The following CACNA1H variants were observed in gnomAD, a reference collection of about 807,000 sequenced individuals.
CACNA1H encodes voltage-dependent T-type calcium channel subunit alpha-1H.
A neutral mutation model predicts 192.5 loss-of-function variants in CACNA1H; 149 were observed. The ratio of observed to expected loss-of-function variants is 0.77; its 90% CI spans 0.68 to 0.89. The LOEUF is 0.89. CACNA1H is among the 40% of genes least tolerant of loss of function. The pLI is 0.00. For synonymous variants in CACNA1H, 2,202 were observed against 1,475.2 expected (o/e 1.49, Z -11.29); for missense variants, 4,257 against 3,423.5 (o/e 1.24, Z -6.08).
chr16:1,193,191 C>T (rs1362115376), intron 2 of CACNA1H, among the ~76,000 whole-genome samples: 3 of 152,318 alleles, frequency 2.0e-5, no homozygotes, highest in South Asian at 2.1e-4. Flanking sequence ...AAAACCCCTC[C>T]CCTCGGGAAA....
Position 1,212,539 on chromosome 16 carries a change from T to A in CACNA1H, c.4777+11T>A, listed in dbSNP as rs763690761. On this transcript the variant is annotated intron_variant, in intron 26 of 34. Coordinates refer to ENST00000348261, the MANE Select transcript of CACNA1H (RefSeq NM_021098.3). Reference sequence around the variant, plus strand: ...CTTTCCCCAGCCCAGGTACCGGCCCTGTCCCGCATGCCTCAGGCCCCGCTT... The same window carrying A: ...CTTTCCCCAGCCCAGGTACCGGCCCAGTCCCGCATGCCTCAGGCCCCGCTT... 1.2e-6 allele frequency: 2 copies of A among 1,610,042 alleles called. No individual in the cohort carries two copies. The highest frequency in any genetic ancestry group is 2.2e-5 in the South Asian group (2 of 90,494).
At chr16:1,213,456 G>A (rs141178725) in intron 26 of CACNA1H, among the ~76,000 whole-genome samples, 25 of 152,216 alleles carry the variant, frequency 1.6e-4, no homozygotes, top group African/African-American at 6.0e-4. Context: ...CACTCCTGGG[G>A]GCTGCCTGGC....
intron 12 of CACNA1H, chr16:1,206,762 G>A: frequency 1.9e-6 from 1 of 516,330 alleles, no homozygotes; most frequent in South Asian, 2.6e-5. Flanking sequence ...CCCTCTGTCT[G>A]TCCCGCCTCT....
intron 26 of CACNA1H, among the ~76,000 whole-genome samples, chr16:1,213,216 G>A (rs1361882129): frequency 6.6e-6 from 1 of 152,242 alleles, no homozygotes; most frequent in East Asian, 1.9e-4. Context: ...GGTGGCCAGA[G>A]GAGGGCAGGT....
intron 33 of CACNA1H, 32 bp from the exon 34 acceptor site, chr16:1,218,938 G>A: frequency 6.5e-7 from 1 of 1,547,858 alleles, no homozygotes; most frequent in Non-Finnish European, 8.7e-7. Flanking sequence ...GGCAGGGGCA[G>A]AGCTGCCAGC....
chr16:1,201,604 C>T (rs1967920812), intron 8 of CACNA1H, 59 bp from the exon 9 acceptor site: 3 of 1,497,094 alleles, frequency 2.0e-6, no homozygotes, highest in South Asian at 1.3e-5. Context: ...CAGTAGGGCT[C>T]AGTGGCGAAT....
Position 1,215,555 on chromosome 16 carries a change from C to T in CACNA1H, c.5206C>T (p.Arg1736Cys), listed in dbSNP as rs750143885. The change falls in exon 30 of 35, where the codon CGC (arginine) becomes TGC (cysteine). Residue 1736 changes from arginine to cysteine, a missense_variant. Coordinates refer to ENST00000348261, the MANE Select transcript of CACNA1H (RefSeq NM_021098.3). Reference protein sequence around the residue: ...LKLLKMATGMRALLDTVVQAL... With the variant: ...LKLLKMATGMCALLDTVVQAL... ...GCTGCTGAAGATGGCTACGGGCATGCGCGCCCTGCTGGACACTGTGGTGCA... is the reference window on the plus strand; with the variant it reads ...GCTGCTGAAGATGGCTACGGGCATGTGCGCCCTGCTGGACACTGTGGTGCA... 2 of 1,611,646 alleles carry T rather than the reference C, an allele frequency of 1.2e-6. No homozygotes were observed. Among genetic ancestry groups the T allele is most frequent in the African/African-American group, 1.3e-5 (1 of 75,036 alleles).
intron 2 of CACNA1H, among the ~76,000 whole-genome samples, chr16:1,172,194 G>A (rs989005822): frequency 2.0e-5 from 3 of 152,288 alleles, no homozygotes; most frequent in South Asian, 2.1e-4. Flanking sequence ...GCCTCGATCC[G>A]GCTGGCCCAG....
At chr16:1,163,386 G>T (rs972789431) in intron 2 of CACNA1H, among the ~76,000 whole-genome samples, 1 of 152,236 alleles carries the variant, frequency 6.6e-6, no homozygotes, top group Non-Finnish European at 1.5e-5. Flanking sequence ...GCTCCCGGGA[G>T]GGGGTGCTGG....
intron 2 of CACNA1H, among the ~76,000 whole-genome samples, chr16:1,170,430 G>T (rs1330893209): frequency 6.6e-6 from 1 of 152,162 alleles, no homozygotes; most frequent in Non-Finnish European, 1.5e-5. Context: ...TCCCGTAAAA[G>T]AGACTGGGAG....
chr16:1,167,469 AATT>A lies in CACNA1H; in HGVS notation c.299+13438_299+13440del, dbSNP rs1963913830. 6.6e-6 allele frequency among the ~76,000 whole-genome samples: 1 copy of A among 152,152 alleles called. No individual in the cohort carries two copies. The highest frequency in any genetic ancestry group is 6.5e-5 in the Admixed American group (1 of 15,286). On this transcript the variant is annotated intron_variant, in intron 2 of 34. Transcript: ENST00000348261. This position sits in a 1 kb window ranked among gnomAD's most constrained non-coding sequence, Gnocchi z 4.2. ...CACCCACACTTGGAATAAAAAAAAA[AATT>A]ATTAATGAGCTTGGTGCGGTTGCCA...
At position 1,212,386 on chromosome 16, in the gene CACNA1H, C is replaced by A. The variant is rs576701546; in HGVS notation, c.4760-125C>A. ...AGCGCCCAAGAGGCAGGTTCCCCAC[C>A]GAGTCCTCACTCCACGAGGAGCCAG... On this transcript the variant is annotated intron_variant, in intron 25 of 34. Coordinates refer to ENST00000348261, the MANE Select transcript of CACNA1H (RefSeq NM_021098.3). 48 of 1,089,676 alleles carry A rather than the reference C, an allele frequency of 4.4e-5. 2 individuals are homozygous for A. In the South Asian group the frequency reaches 6.0e-4, roughly 14 times the overall value. 67.5% of individuals were successfully genotyped at this position (1,089,676 alleles called of 1,614,324 possible).
At chr16:1,156,363 C>T (rs982631310) in intron 2 of CACNA1H, among the ~76,000 whole-genome samples, 2 of 152,230 alleles carry the variant, frequency 1.3e-5, no homozygotes, top group African/African-American at 4.8e-5. Context: ...CAGCAGATGC[C>T]TGGCCTGTAG....
Position 1,180,872 on chromosome 16 carries a change from G to A in CACNA1H, c.300-14100G>A, listed in dbSNP as rs927814629. ...GCCAGCACCCGACCTGGCCGCCAGC[G>A]TGCTGAGGACAGACCTGCTGGGCCG... On this transcript the variant is annotated intron_variant, in intron 2 of 34. Transcript: ENST00000348261. This position sits in a 1 kb window ranked among gnomAD's most constrained non-coding sequence, Gnocchi z 4.4. Among the ~76,000 whole-genome samples, 4 of 152,324 alleles carry A rather than the reference G, an allele frequency of 2.6e-5. No homozygotes were observed. Among genetic ancestry groups the A allele is most frequent in the African/African-American group, 7.2e-5 (3 of 41,586 alleles).
At chr16:1,177,468 G>A (rs771005844) in intron 2 of CACNA1H, among the ~76,000 whole-genome samples, 9 of 152,200 alleles carry the variant, frequency 5.9e-5, no homozygotes, top group Non-Finnish European at 8.8e-5. Flanking sequence ...AGCGGCTCAC[G>A]GTCACACGTC....
Position 1,153,444 on chromosome 16 carries a change from G to T in CACNA1H, c.-45G>T. 1 of 160,418 alleles carries T rather than the reference G, an allele frequency of 6.2e-6. No individual in the cohort carries two copies. The highest frequency in any genetic ancestry group is 1.8e-4 in the South Asian group (1 of 5,574). The allele number at this position is 160,418 out of a possible 1,614,324, so 9.9% of individuals were successfully genotyped here. On this transcript the variant is annotated 5_prime_UTR_variant, in exon 1 of 35. Transcript: ENST00000348261. ...ACCGCGCCGCCCGGGCGATGCCCGC[G>T]GGGACGCCGCCGGCCAGCAGAGCGA...
chr16:1,183,806 G>A (rs1965715520), intron 2 of CACNA1H, among the ~76,000 whole-genome samples: 1 of 152,276 alleles, frequency 6.6e-6, no homozygotes, highest in Non-Finnish European at 1.5e-5. Context: ...TGCTCCCCCA[G>A]TGGGGTCTGT....
intron 2 of CACNA1H, among the ~76,000 whole-genome samples, chr16:1,177,140 C>T (rs941464881): frequency 1.3e-5 from 2 of 152,214 alleles, no homozygotes; most frequent in African/African-American, 4.8e-5. Context: ...CCCTTTTTGT[C>T]ATTCCACTGA....
chr16:1,219,488 A>G (rs1473425092), intron 34 of CACNA1H, among the ~76,000 whole-genome samples: 1 of 151,948 alleles, frequency 6.6e-6, no homozygotes, highest in Non-Finnish European at 1.5e-5. Context: ...CTCAGGCCCC[A>G]TGTGGGCATG....
Sources: gnomAD v4.1 joint callset for allele counts (sites outside exome capture counted in the v4.1 genomes callset) on GRCh38, gnomAD v4.1.1 for gene constraint, Gnocchi (gnomAD v3.1) non-coding constraint, MANE v1.5 for transcripts, NCBI Gene and HGNC (gene_info 2026-07-23, HGNC 2026-07-21) for gene names.